The following VWA5B1 variants were observed in gnomAD, a reference collection of about 807,000 sequenced individuals.
VWA5B1 encodes von Willebrand factor A domain-containing protein 5B1.
In VWA5B1, 115 loss-of-function variants were observed where a neutral mutation model predicts 118.2. The observed-to-expected ratio is 0.97, with a 90% confidence interval of 0.84 to 1.14. The LOEUF (loss-of-function observed/expected upper bound fraction) is 1.14. VWA5B1 is among the 50% of genes most tolerant of loss of function. VWA5B1 has a pLI of 0.00. For missense variants in VWA5B1, 1,596 were observed against 1,603.8 expected, an observed-to-expected ratio of 1.00 and a Z score of 0.08; for synonymous variants, 682 against 658.4, an observed-to-expected ratio of 1.04 and a Z score of -0.55.
intron 8 of VWA5B1, among the ~76,000 whole-genome samples, chr1:20,326,379 C>T (rs1383279501): frequency 1.3e-5 from 2 of 151,628 alleles, no homozygotes; most frequent in East Asian, 3.9e-4. Context: ...AGATGGGGGA[C>T]ATGGGGGTGA....
intron 12 of VWA5B1, among the ~76,000 whole-genome samples, chr1:20,334,355 A>G (rs55923963): frequency 9.8e-5 from 15 of 152,292 alleles, no homozygotes; most frequent in African/African-American, 1.7e-4. Context: ...CCCTCCCACT[A>G]GAAGGGACTG....
rs1191495868 is a variant in VWA5B1, at chr1:20,336,490, C to T, written c.1942+4C>T. On this transcript the variant is annotated splice_donor_region_variant and intron_variant, in intron 13 of 21. Coordinates refer to ENST00000289815, the MANE Select transcript of VWA5B1 (RefSeq NM_001039500.3). Reference sequence around the variant, plus strand: ...GGAGACTCTACCACCAAGCACGGTTCGTCTGCGGCTCTGATGATTGCTGCC... The same window carrying T: ...GGAGACTCTACCACCAAGCACGGTTTGTCTGCGGCTCTGATGATTGCTGCC... The T allele has an allele frequency of 5.1e-6, 7 of 1,378,176 alleles. No individual in the cohort carries two copies. The highest frequency in any genetic ancestry group is 2.9e-5 in the Admixed American group (1 of 34,452). The allele number at this position is 1,378,176 out of a possible 1,614,324, so 85.4% of individuals were successfully genotyped here.
intron 18 of VWA5B1, 65 bp from the exon 19 acceptor site, chr1:20,350,091 C>T (rs1293786598): frequency 2.0e-6 from 3 of 1,491,578 alleles, no homozygotes; most frequent in South Asian, 1.2e-5. Context: ...CCATTGCTCT[C>T]CTGAGGGGAT....
At chr1:20,339,428 G>A (rs1276790795) in intron 14 of VWA5B1, among the ~76,000 whole-genome samples, 1 of 152,164 alleles carries the variant, frequency 6.6e-6, no homozygotes, top group Non-Finnish European at 1.5e-5. Context: ...TGTAATTCCA[G>A]CTACTCGGGA....
At chr1:20,311,413 T>C (rs1273536333) in intron 2 of VWA5B1, among the ~76,000 whole-genome samples, 1 of 152,246 alleles carries the variant, frequency 6.6e-6, no homozygotes, top group South Asian at 2.1e-4. Flanking sequence ...CTTGCTCCTA[T>C]GACCCTGGGG....
At chr1:20,300,562 G>A (rs2088484805) in intron 1 of VWA5B1, among the ~76,000 whole-genome samples, 1 of 152,182 alleles carries the variant, frequency 6.6e-6, no homozygotes, top group African/African-American at 2.4e-5. Flanking sequence ...CCACTTACAA[G>A]TGTATTACCT....
At chr1:20,349,295 G>T (rs1256890394) in intron 18 of VWA5B1, 1 of 360,200 alleles carries the variant, frequency 2.8e-6, no homozygotes, top group East Asian at 8.6e-5. Flanking sequence ...TCAGGAAATT[G>T]CTGGTCTGTA....
intron 9 of VWA5B1, among the ~76,000 whole-genome samples, 165 bp downstream of exon 9, chr1:20,328,165 A>C (rs551285589): frequency 6.6e-6 from 1 of 152,114 alleles, no homozygotes; most frequent in African/African-American, 2.4e-5. Flanking sequence ...AAGAGAAACT[A>C]TCTCTGTTTG....
At chr1:20,328,636 T>C (rs2089457839) in intron 9 of VWA5B1, among the ~76,000 whole-genome samples, 1 of 152,208 alleles carries the variant, frequency 6.6e-6, no homozygotes, top group African/African-American at 2.4e-5. Context: ...GAATAATATA[T>C]GTTGCATGCG....
At chr1:20,323,322 G>T (rs989313564) in intron 7 of VWA5B1, 34 bp from the exon 8 acceptor site, 2 of 1,415,664 alleles carry the variant, frequency 1.4e-6, no homozygotes, top group Non-Finnish European at 9.3e-7. Flanking sequence ...TCTTGACCCT[G>T]ATTGCCCAAT....
intron 14 of VWA5B1, among the ~76,000 whole-genome samples, chr1:20,340,473 G>C (rs1034990166): frequency 6.6e-6 from 1 of 152,174 alleles, no homozygotes; most frequent in Non-Finnish European, 1.5e-5. Flanking sequence ...CTCTGGCTTA[G>C]AAAGACAGAA....
At chr1:20,295,119 G>A (rs1293167917) in intron 1 of VWA5B1, among the ~76,000 whole-genome samples, 1 of 152,178 alleles carries the variant, frequency 6.6e-6, no homozygotes, top group Non-Finnish European at 1.5e-5. Flanking sequence ...CTTCAGGGAG[G>A]AGGTGGGTTT....
intron 9 of VWA5B1, among the ~76,000 whole-genome samples, chr1:20,329,295 T>TC (rs2089476860): frequency 1.1e-5 from 1 of 93,504 alleles, no homozygotes; most frequent in African/African-American, 3.8e-5. Flanking sequence ...CCCTTTTTTT[T>TC]TTTTTTTTTT....
chr1:20,308,294 C>T (rs1369535994), intron 1 of VWA5B1, among the ~76,000 whole-genome samples: 2 of 152,168 alleles, frequency 1.3e-5, no homozygotes, highest in African/African-American at 4.8e-5. Flanking sequence ...TGTCCCTCAT[C>T]TAAGCCCCGC....
intron 2 of VWA5B1, 149 bp from the exon 3 acceptor site, chr1:20,312,687 A>C (rs2088883813): frequency 8.9e-7 from 1 of 1,119,720 alleles, no homozygotes; most frequent in Non-Finnish European, 1.2e-6. Flanking sequence ...GGGAGGTCCC[A>C]GTCTGGCTCT....
Position 20,355,001 on chromosome 1 carries a change from T to G in VWA5B1, c.*738T>G, listed in dbSNP as rs2090204580. 1 of 152,188 alleles carries G rather than the reference T, an allele frequency of 6.6e-6. No individual in the cohort carries two copies. Among genetic ancestry groups the G allele is most frequent in the African/African-American group, 2.4e-5 (1 of 41,436 alleles). The allele number at this position is 152,188 out of a possible 1,614,324, so 9.4% of individuals were successfully genotyped here. ...GGACCAGGGGAGACACCTTGTGAGT[T>G]GACGTGTTAGATTTAAGCAGCAGTC... On this transcript the variant is annotated 3_prime_UTR_variant, in exon 22 of 22. Transcript: ENST00000289815.
At chr1:20,296,159 G>A (rs146038368) in intron 1 of VWA5B1, among the ~76,000 whole-genome samples, 30 of 152,242 alleles carry the variant, frequency 2.0e-4, no homozygotes, top group Admixed American at 1.8e-3. Flanking sequence ...CACCATGCCC[G>A]GCCAAGGTTG....
intron 7 of VWA5B1, 119 bp from the exon 8 acceptor site, chr1:20,323,237 T>A (rs576796720): frequency 1.0e-6 from 1 of 978,260 alleles, no homozygotes; most frequent in East Asian, 3.3e-5. Flanking sequence ...AGCCCGGAAG[T>A]CTTCCATGCA....
At chr1:20,338,353 G>C (rs1207847982) in intron 14 of VWA5B1, 1 of 301,096 alleles carries the variant, frequency 3.3e-6, no homozygotes, top group African/African-American at 2.2e-5. Flanking sequence ...TTGTTTATTT[G>C]TTTGTTTGTT....
Sources: gnomAD v4.1 joint callset for allele counts (sites outside exome capture counted in the v4.1 genomes callset) on GRCh38, gnomAD v4.1.1 for gene constraint, MANE v1.5 for transcripts, NCBI Gene and HGNC (gene_info 2026-07-23, HGNC 2026-07-21) for gene names.